Variants in ATP6V0A2 observed in about 807,000 individuals in gnomAD.
ATP6V0A2 encodes ATPase H+ transporting V0 subunit a2, also known as V-type proton ATPase 116 kDa subunit a 2.
Under a neutral mutation model 104.4 loss-of-function variants are expected in ATP6V0A2, and 58 were observed. That is an observed-to-expected ratio of 0.56 (90% CI 0.45 to 0.69). The LOEUF is 0.69. Ranked by LOEUF, ATP6V0A2 falls within the 30% of genes least tolerant of loss-of-function variation. The pLI is 0.00. For missense variants in ATP6V0A2, 938 were observed against 1,062.9 expected (o/e 0.88, Z 1.63); for synonymous variants, 376 against 397.9 (o/e 0.95, Z 0.65).
At chr12:123,749,539 C>A (rs1223001294) in intron 15 of ATP6V0A2, among the ~76,000 whole-genome samples, 1 of 152,218 alleles carries the variant, frequency 6.6e-6, no homozygotes, top group Non-Finnish European at 1.5e-5. Flanking sequence ...CTTCTCTCTG[C>A]CTCAGTTTCC....
chr12:123,743,509 CG>C (rs1370758929), intron 9 of ATP6V0A2, among the ~76,000 whole-genome samples: 1 of 151,784 alleles, frequency 6.6e-6, no homozygotes, highest in Non-Finnish European at 1.5e-5. Context: ...CAAAATTAGA[CG>C]GGCATGGTTG....
At chr12:123,745,935 C>T (rs1432307258) in intron 13 of ATP6V0A2, among the ~76,000 whole-genome samples, 1 of 152,196 alleles carries the variant, frequency 6.6e-6, no homozygotes, top group East Asian at 1.9e-4. Context: ...CAAAAAAAGT[C>T]TAGCATTCCT....
At position 123,760,230 on chromosome 12, in the gene ATP6V0A2, C is replaced by T. The variant is rs886049073; in HGVS notation, c.*2198C>T. The T allele has an allele frequency of 2.6e-4, 39 of 152,292 alleles. No homozygotes were observed. Among genetic ancestry groups the T allele is most frequent in the African/African-American group, 2.6e-4 (11 of 41,554 alleles). The allele number at this position is 152,292 out of a possible 1,614,324, so 9.4% of individuals were successfully genotyped here. ...CTTTTTTAACTCTTTCTAATTAACA[C>T]CTCTTCTCAGCATAGAGCAGAGGAT... On this transcript the variant is annotated 3_prime_UTR_variant, in exon 20 of 20. Coordinates refer to ENST00000330342, the MANE Select transcript of ATP6V0A2 (RefSeq NM_012463.4).
intron 8 of ATP6V0A2, among the ~76,000 whole-genome samples, chr12:123,736,783 T>A (rs1956558375): frequency 6.6e-6 from 1 of 152,148 alleles, no homozygotes; most frequent in East Asian, 1.9e-4. Context: ...CAATGACGTC[T>A]AACCATTTCC....
intron 9 of ATP6V0A2, among the ~76,000 whole-genome samples, chr12:123,742,586 C>A (rs1309196721): frequency 2.6e-5 from 4 of 152,122 alleles, no homozygotes; most frequent in African/African-American, 4.8e-5. Flanking sequence ...CCTATAATCC[C>A]AGCACTTTGG....
At chr12:123,722,546 A>G (rs1956410218) in intron 3 of ATP6V0A2, 98 bp downstream of exon 3, 4 of 779,434 alleles carry the variant, frequency 5.1e-6, no homozygotes, top group Admixed American at 3.8e-5. Flanking sequence ...CTTTCTTCTC[A>G]AAACTATGGA....
chr12:123,738,968 A>G lies in ATP6V0A2; in HGVS notation c.1038+1697A>G, dbSNP rs531108480. ...TAGTATTTTGTTATTTAGAGTAGGA[A>G]CCACCTATTTGAGAGATAAACACAG... On this transcript the variant is annotated intron_variant, in intron 9 of 19. Coordinates refer to ENST00000330342, the MANE Select transcript of ATP6V0A2 (RefSeq NM_012463.4). 3.3e-5 allele frequency: 5 copies of G among 152,356 alleles called. No individual in the cohort carries two copies. In the East Asian group the frequency reaches 5.8e-4, roughly 18 times the overall value. 9.4% of individuals were successfully genotyped at this position (152,356 alleles called of 1,614,324 possible).
At chr12:123,727,204 A>T (rs1291500457) in intron 5 of ATP6V0A2, among the ~76,000 whole-genome samples, 2 of 152,092 alleles carry the variant, frequency 1.3e-5, no homozygotes, top group Non-Finnish European at 2.9e-5. Flanking sequence ...GCTGGCCTTA[A>T]ACTCAAGTTC....
chr12:123,754,949 C>T (rs182074091), intron 18 of ATP6V0A2, among the ~76,000 whole-genome samples: 1 of 152,324 alleles, frequency 6.6e-6, no homozygotes, highest in African/African-American at 2.4e-5. Flanking sequence ...GCAAGTCCTG[C>T]CACAGCACTC....
At chr12:123,755,629 A>G (rs2135922278) in intron 18 of ATP6V0A2, among the ~76,000 whole-genome samples, 1 of 151,918 alleles carries the variant, frequency 6.6e-6, no homozygotes, top group African/African-American at 2.4e-5. Flanking sequence ...CCAGCTTGCC[A>G]ATTTACACAG....
chr12:123,746,147 G>A (rs1271620467), intron 13 of ATP6V0A2, among the ~76,000 whole-genome samples: 1 of 151,542 alleles, frequency 6.6e-6, no homozygotes, highest in Non-Finnish European at 1.5e-5. Flanking sequence ...GTTAAGGAAA[G>A]AAATATTTCT....
chr12:123,736,194 T>C (rs1956551776), intron 8 of ATP6V0A2, among the ~76,000 whole-genome samples: 1 of 145,598 alleles, frequency 6.9e-6, no homozygotes, highest in Non-Finnish European at 1.5e-5. Flanking sequence ...TCTTTTTTTT[T>C]TTTTTTTTTT....
rs1434763907 is a variant in ATP6V0A2, at chr12:123,744,347, T to TA, written c.1326+13dup. Reference sequence around the variant, plus strand: ...AAATCAGTCACAAGAGGTAAAAATATAAACACTCCAGCTCATATATCTGGT... The same window carrying TA: ...AAATCAGTCACAAGAGGTAAAAATATAAAACACTCCAGCTCATATATCTGGT... On this transcript the variant is annotated intron_variant, in intron 11 of 19. Coordinates refer to ENST00000330342, the MANE Select transcript of ATP6V0A2 (RefSeq NM_012463.4). The surrounding 1 kb of genome is among the most constrained non-coding windows in gnomAD (Gnocchi z 5.4). The TA allele has an allele frequency of 5.6e-6, 9 of 1,614,096 alleles. No homozygotes were observed. Among genetic ancestry groups the TA allele is most frequent in the African/African-American group, 1.3e-5 (1 of 74,934 alleles).
chr12:123,716,974 A>G (rs529459230), intron 1 of ATP6V0A2, among the ~76,000 whole-genome samples: 72 of 152,172 alleles, frequency 4.7e-4, no homozygotes, highest in Admixed American at 3.9e-3. Flanking sequence ...TGTAAGTGGA[A>G]TCGCACAGTA....
Position 123,756,803 on chromosome 12 carries a change from A to G in ATP6V0A2, c.2294-12A>G, listed in dbSNP as rs767553180. The G allele has an allele frequency of 1.2e-5, 20 of 1,613,118 alleles. No individual in the cohort carries two copies. The highest frequency in any genetic ancestry group is 4.5e-5 in the East Asian group (2 of 44,894). On this transcript the variant is annotated splice_polypyrimidine_tract_variant and intron_variant, in intron 18 of 19. Transcript: ENST00000330342. ...AGCGAGCATGACCTGTGCAGGCTGC[A>G]CTCCTTTGCAGAGTTGTCTGATGTC... is the stretch of plus-strand genomic sequence containing the variant.
Position 123,744,507 on chromosome 12 carries a change from A to G in ATP6V0A2, c.1327-90A>G. On this transcript the variant is annotated intron_variant, in intron 11 of 19. Coordinates refer to ENST00000330342, the MANE Select transcript of ATP6V0A2 (RefSeq NM_012463.4). This position sits in a 1 kb window ranked among gnomAD's most constrained non-coding sequence, Gnocchi z 5.4. ...CTGCGGGGCGAGGCTGTTTTCTGAG[A>G]AGTGAGTGGTGAGGGTCGTGCCCAC... is the stretch of plus-strand genomic sequence containing the variant. 2 of 1,585,618 alleles carry G rather than the reference A, an allele frequency of 1.3e-6. No homozygotes were observed. The highest frequency in any genetic ancestry group is 1.7e-6 in the Non-Finnish European group (2 of 1,158,710).
In ATP6V0A2 at chr12:123,754,158, C is replaced by T; in HGVS notation, c.2176-262C>T. On this transcript the variant is annotated intron_variant, in intron 17 of 19. Coordinates refer to ENST00000330342, the MANE Select transcript of ATP6V0A2 (RefSeq NM_012463.4). ...CTCTGGTCTACCTTCTTGGTTTACACAGGGGAGTCTGAGGCGTGCGGTGGG... is the reference window on the plus strand; with the variant it reads ...CTCTGGTCTACCTTCTTGGTTTACATAGGGGAGTCTGAGGCGTGCGGTGGG... 1.9e-5 allele frequency: 11 copies of T among 585,366 alleles called. No individual in the cohort carries two copies. The South Asian group carries it at 2.3e-4, about 12-fold the overall frequency. 36.3% of individuals were successfully genotyped at this position (585,366 alleles called of 1,614,324 possible).
At position 123,748,861 on chromosome 12, in the gene ATP6V0A2, T is replaced by C. The variant is rs1448293539; in HGVS notation, c.1935+76T>C. 3 of 1,389,430 alleles carry C rather than the reference T, an allele frequency of 2.2e-6. No individual in the cohort carries two copies. The African/African-American group carries it at 4.3e-5, about 20-fold the overall frequency. 86.1% of individuals were successfully genotyped at this position (1,389,430 alleles called of 1,614,324 possible). ...CTTTTATTCTGAGCAGTAGAAGTGT[T>C]GGGGTGATCTCCACAGGAGCCTGGG... On this transcript the variant is annotated intron_variant, in intron 15 of 19. Transcript: ENST00000330342.
At chr12:123,725,813 A>G (rs1459266559) in intron 4 of ATP6V0A2, among the ~76,000 whole-genome samples, 2 of 151,848 alleles carry the variant, frequency 1.3e-5, no homozygotes, top group Non-Finnish European at 2.9e-5. Context: ...AAAAAAGAAA[A>G]AAAATTATAA....
Sources: allele counts gnomAD v4.1 joint callset (sites outside exome capture counted in the v4.1 genomes callset), GRCh38; gene constraint gnomAD v4.1.1; non-coding constraint Gnocchi (gnomAD v3.1); transcripts MANE v1.5; gene names NCBI Gene and HGNC (gene_info 2026-07-23, HGNC 2026-07-21).